GAN: variants seen among roughly 807,000 people sequenced by gnomAD.
GAN encodes the protein epididymis secretory sperm binding protein.
A neutral mutation model predicts 71.3 loss-of-function variants in GAN; 48 were observed. The observed-to-expected ratio is 0.67, with a 90% confidence interval of 0.53 to 0.86. The LOEUF (loss-of-function observed/expected upper bound fraction) is 0.86. GAN is among the 40% of genes least tolerant of loss of function. The pLI is 0.00. For missense variants in GAN, 928 were observed against 770.1 expected, an observed-to-expected ratio of 1.21 and a Z score of -2.43; for synonymous variants, 386 against 276.8, an observed-to-expected ratio of 1.39 and a Z score of -3.92.
chr16:81,370,649 G>T (rs1340994044), intron 9 of GAN, among the ~76,000 whole-genome samples: 2 of 152,244 alleles, frequency 1.3e-5, no homozygotes, highest in African/African-American at 4.8e-5. Flanking sequence ...CTGCATGCTG[G>T]TAGGAGCAAG....
chr16:81,362,810 A>G (rs11862805), intron 6 of GAN, among the ~76,000 whole-genome samples, 199 bp downstream of exon 6: 4,148 of 152,074 alleles, frequency 0.027, 114 homozygotes, highest in East Asian at 0.12. Flanking sequence ...AGTTTCTGAA[A>G]TCTTCCAGGA....
rs140707662 is a variant in GAN, at chr16:81,331,638, C to A, written c.167+16358C>A. ...GAAGTCCTTCAGGAACGGCTCTTCC[C>A]CACGTCCCACCCTGTCCCCTCATAC... On this transcript the variant is annotated intron_variant, in intron 1 of 10. Coordinates refer to ENST00000648994, the MANE Select transcript of GAN (RefSeq NM_022041.4). Among the ~76,000 whole-genome samples the A allele has an allele frequency of 1.5e-3, 225 of 152,324 alleles. 2 individuals carry two copies. In the East Asian group the frequency reaches 0.04, roughly 27 times the overall value.
Position 81,385,232 on chromosome 16 carries a change from T to C in GAN, c.*7636T>C, listed in dbSNP as rs1477912940. On this transcript the variant is annotated 3_prime_UTR_variant, in exon 11 of 11. Transcript: ENST00000648994. ...CACCCTGTTGACTTAGCTCAGGACATGAGACTGACTTAGCTCAGGACATGA... is the reference window on the plus strand; with the variant it reads ...CACCCTGTTGACTTAGCTCAGGACACGAGACTGACTTAGCTCAGGACATGA... 5 of 151,586 alleles carry C rather than the reference T, an allele frequency of 3.3e-5. No homozygotes were observed. Among genetic ancestry groups the C allele is most frequent in the Non-Finnish European group, 4.4e-5 (3 of 68,014 alleles). 9.4% of individuals were successfully genotyped at this position (151,586 alleles called of 1,614,324 possible). A position where few individuals can be genotyped will look rare whatever the true frequency, so the allele number is the denominator to read the frequency against.
intron 1 of GAN, among the ~76,000 whole-genome samples, chr16:81,315,863 C>T (rs552286100): frequency 6.6e-6 from 1 of 152,382 alleles, no homozygotes; most frequent in East Asian, 1.9e-4. Flanking sequence ...CGATGTTCTC[C>T]TTGGGTTGGT....
rs1219344183 is a variant in GAN, at chr16:81,387,739, C to G, written c.*10143C>G. On this transcript the variant is annotated 3_prime_UTR_variant, in exon 11 of 11. Coordinates refer to ENST00000648994, the MANE Select transcript of GAN (RefSeq NM_022041.4). ...GTTGAGGGAGGAGAATCACTTGACC[C>G]CAGGAGGCAGAGGTTGAAGTGAGCC... 1 of 152,048 alleles carries G rather than the reference C, an allele frequency of 6.6e-6. No individual in the cohort carries two copies. Among genetic ancestry groups the G allele is most frequent in the Non-Finnish European group, 1.5e-5 (1 of 68,066 alleles). The allele number at this position is 152,048 out of a possible 1,614,324, so 9.4% of individuals were successfully genotyped here.
chr16:81,351,861 G>T (rs1910311331), intron 2 of GAN, among the ~76,000 whole-genome samples, 164 bp downstream of exon 2: 1 of 152,190 alleles, frequency 6.6e-6, no homozygotes. Context: ...CCCCATGTGT[G>T]TTCTTCCATG....
chr16:81,365,161 C>T (rs750249789), intron 8 of GAN, 51 bp downstream of exon 8: 1 of 1,592,234 alleles, frequency 6.3e-7, no homozygotes, highest in Non-Finnish European at 8.6e-7. Flanking sequence ...TTCACTGGGT[C>T]TGGAGCCCCT....
chr16:81,374,326 T>C (rs1206044544), intron 9 of GAN, among the ~76,000 whole-genome samples: 1 of 152,228 alleles, frequency 6.6e-6, no homozygotes, highest in Non-Finnish European at 1.5e-5. Flanking sequence ...GATTTTCTTG[T>C]TGTAATTATT....
rs56782049 is a variant in GAN at position 81,376,465 on chromosome 16, ATGTGTGTGTGTGTGTGTG to A, written c.1503-726_1503-709del. ...CAATATCCCATCTTTATACATACAT[ATGTGTGTGTGTGTGTGTG>A]TGTGTGTGTGTGTGTGTGTGTGTGT... On this transcript the variant is annotated intron_variant, in intron 9 of 10. Coordinates refer to ENST00000648994, the MANE Select transcript of GAN (RefSeq NM_022041.4). Among the ~76,000 whole-genome samples the A allele has an allele frequency of 2.4e-3, 301 of 127,164 alleles. 1 individual carries two copies. Among genetic ancestry groups the A allele is most frequent in the African/African-American group, 6.5e-3 (214 of 33,080 alleles). 83.4% of individuals were successfully genotyped at this position (127,164 alleles called of 152,430 possible).
intron 1 of GAN, among the ~76,000 whole-genome samples, chr16:81,348,849 G>A (rs1410011228): frequency 6.6e-6 from 1 of 152,222 alleles, no homozygotes; most frequent in Non-Finnish European, 1.5e-5. Context: ...CTCCAGAAGA[G>A]TCTTTGTTTC....
At position 81,386,940 on chromosome 16, in the gene GAN, C is replaced by T. The variant is rs543153155; in HGVS notation, c.*9344C>T. 1.3e-5 allele frequency: 2 copies of T among 152,238 alleles called. No individual in the cohort carries two copies. The highest frequency in any genetic ancestry group is 2.4e-5 in the African/African-American group (1 of 41,428). The allele number at this position is 152,238 out of a possible 1,614,324, so 9.4% of individuals were successfully genotyped here. On this transcript the variant is annotated 3_prime_UTR_variant, in exon 11 of 11. Coordinates refer to ENST00000648994, the MANE Select transcript of GAN (RefSeq NM_022041.4). ...CAGCCGGGCAACAAGGGCTAAACTC[C>T]ATCTCAAAAGAAAAGAAAGAAAGGG...
At chr16:81,337,336 G>T (rs1418131303) in intron 1 of GAN, among the ~76,000 whole-genome samples, 1 of 152,088 alleles carries the variant, frequency 6.6e-6, no homozygotes, top group Non-Finnish European at 1.5e-5. Flanking sequence ...CCAAATTTCT[G>T]CAAATCTCGA....
At position 81,315,208 on chromosome 16, in the gene GAN, C is replaced by G; in HGVS notation, c.95C>G (p.Ala32Gly). 1 of 1,579,534 alleles carries G rather than the reference C, an allele frequency of 6.3e-7. No individual in the cohort carries two copies. Among genetic ancestry groups the G allele is most frequent in the Non-Finnish European group, 8.6e-7 (1 of 1,165,034 alleles). ...SFREESRFCD[A>G]HLVLDGEEIP... ...CGCGAGGAGTCTCGCTTCTGCGACG[C>G]GCACCTGGTCCTCGACGGGGAGGAG... Residue 32 changes from alanine to glycine, a missense_variant, in exon 1 of 11, where the codon GCG becomes GGG. By Grantham distance (60) the Ala-to-Gly change is moderately conservative. Coordinates refer to ENST00000648994, the MANE Select transcript of GAN (RefSeq NM_022041.4).
At chr16:81,315,347 C>T (rs575302927) in intron 1 of GAN, 67 bp downstream of exon 1, 22 of 1,196,858 alleles carry the variant, frequency 1.8e-5, no homozygotes, top group Admixed American at 1.3e-4. Context: ...GGCGGCCGGG[C>T]CGGGCGTGGC....
At chr16:81,319,607 G>A (rs1385006188) in intron 1 of GAN, among the ~76,000 whole-genome samples, 1 of 152,052 alleles carries the variant, frequency 6.6e-6, no homozygotes, top group African/African-American at 2.4e-5. Flanking sequence ...TGCAACAAAA[G>A]TTTGTTTAGC....
chr16:81,365,153 C>T (rs764144853), intron 8 of GAN, 43 bp downstream of exon 8: 3 of 1,604,626 alleles, frequency 1.9e-6, no homozygotes, highest in South Asian at 1.1e-5. Context: ...CCTTGCTGTT[C>T]ACTGGGTCTG....
chr16:81,353,715 A>G (rs1910384377), intron 2 of GAN, among the ~76,000 whole-genome samples: 1 of 152,162 alleles, frequency 6.6e-6, no homozygotes, highest in Admixed American at 6.5e-5. Context: ...GCTTTGGAGC[A>G]CTGTGAAGTC....
At position 81,380,202 on chromosome 16, in the gene GAN, T is replaced by C. The variant is rs1367993558; in HGVS notation, c.*2606T>C. On this transcript the variant is annotated 3_prime_UTR_variant, in exon 11 of 11. Coordinates refer to ENST00000648994, the MANE Select transcript of GAN (RefSeq NM_022041.4). ...TTCATGCAGGTTTGTGTTTTAACAT[T>C]CCACTTATGCCTTGAAACATCATTT... The C allele has an allele frequency of 2.6e-5, 4 of 152,660 alleles. No individual in the cohort carries two copies. Among genetic ancestry groups the C allele is most frequent in the Admixed American group, 2.6e-4 (4 of 15,288 alleles). 9.5% of individuals were successfully genotyped at this position (152,660 alleles called of 1,614,324 possible).
chr16:81,334,023 T>C (rs573361490), intron 1 of GAN, among the ~76,000 whole-genome samples: 1 of 152,366 alleles, frequency 6.6e-6, no homozygotes, highest in Non-Finnish European at 1.5e-5. Flanking sequence ...TGTTCTCTTT[T>C]CAGAAAACAT....
Sources: gnomAD v4.1 joint callset for allele counts (sites outside exome capture counted in the v4.1 genomes callset) on GRCh38, gnomAD v4.1.1 for gene constraint, MANE v1.5 for transcripts, NCBI Gene and HGNC (gene_info 2026-07-23, HGNC 2026-07-21) for gene names.